Variants in NRIP1 observed in about 807,000 individuals in gnomAD.
NRIP1 encodes nuclear receptor interacting protein 1.
In NRIP1, 28 loss-of-function variants were observed where a neutral mutation model predicts 75.0. The ratio of observed to expected loss-of-function variants is 0.37; its 90% CI spans 0.28 to 0.51. The LOEUF is 0.51. NRIP1 is among the 20% of genes least tolerant of loss of function. The pLI is 0.92. For synonymous variants in NRIP1, 526 were observed against 487.6 expected (o/e 1.08, Z -1.04); for missense variants, 1,435 against 1,343.7 (o/e 1.07, Z -1.06).
intron 2 of NRIP1, among the ~76,000 whole-genome samples, chr21:15,038,403 C>T (rs1384220354): frequency 3.3e-5 from 5 of 151,926 alleles, no homozygotes; most frequent in African/African-American, 4.8e-5. Context: ...CTTTCCAAAA[C>T]CTTTTGAGCT....
chr21:14,989,192 G>A (rs1421491534), intron 3 of NRIP1, among the ~76,000 whole-genome samples: 5 of 152,256 alleles, frequency 3.3e-5, no homozygotes, highest in Admixed American at 1.3e-4. Flanking sequence ...CTCTGCAAAC[G>A]CTCTTTTTTC....
rs2086666355 is a variant in NRIP1, at chr21:14,964,408, G to A, written c.*308C>T. 1 of 209,470 alleles carries A rather than the reference G, an allele frequency of 4.8e-6. No homozygotes were observed. Among genetic ancestry groups the A allele is most frequent in the African/African-American group, 2.3e-5 (1 of 43,320 alleles). 13.0% of individuals were successfully genotyped at this position (209,470 alleles called of 1,614,324 possible). A position where few individuals can be genotyped will look rare whatever the true frequency, so the allele number is the denominator to read the frequency against. On this transcript the variant is annotated 3_prime_UTR_variant, in exon 4 of 4. Transcript: ENST00000318948. Reference sequence around the variant, plus strand: ...AAAATGCATTAATCCACTATGAATGGAGTTTTACATTTTAATTTATGCCTA... The same window carrying A: ...AAAATGCATTAATCCACTATGAATGAAGTTTTACATTTTAATTTATGCCTA...
At chr21:15,064,605 G>C (rs991187043) in intron 1 of NRIP1, 140 bp downstream of exon 1, 1 of 151,742 alleles carries the variant, frequency 6.6e-6, no homozygotes, top group Non-Finnish European at 1.5e-5. Context: ...GATTTCCCCG[G>C]AAACGCGCCC....
intron 2 of NRIP1, among the ~76,000 whole-genome samples, chr21:15,033,769 C>G (rs1470844663): frequency 6.6e-6 from 1 of 152,158 alleles, no homozygotes; most frequent in Non-Finnish European, 1.5e-5. Context: ...TGGTGACTTT[C>G]TCAGTTAAGG....
intron 2 of NRIP1, among the ~76,000 whole-genome samples, 168 bp downstream of exon 2, chr21:15,043,327 T>G (rs1460739295): frequency 6.6e-6 from 1 of 152,190 alleles, no homozygotes; most frequent in African/African-American, 2.4e-5. Flanking sequence ...AAATTTTGAT[T>G]TACCAAAATT....
intron 3 of NRIP1, among the ~76,000 whole-genome samples, chr21:14,995,696 T>C (rs746582095): frequency 1.9e-4 from 29 of 152,022 alleles, no homozygotes; most frequent in Admixed American, 1.2e-3. Flanking sequence ...AACTCACTGG[T>C]GATTAGAGAG....
chr21:15,015,991 C>T (rs1241662121), intron 2 of NRIP1, among the ~76,000 whole-genome samples: 1 of 152,294 alleles, frequency 6.6e-6, no homozygotes, highest in East Asian at 1.9e-4. Context: ...AGCTATCACA[C>T]GGCCACCAGC....
intron 3 of NRIP1, among the ~76,000 whole-genome samples, chr21:14,978,627 C>A (rs1359127838): frequency 6.6e-6 from 1 of 152,048 alleles, no homozygotes; most frequent in Non-Finnish European, 1.5e-5. Context: ...GATGAAATAA[C>A]CGTTCTGGTG....
chr21:15,033,524 T>C (rs533460308), intron 2 of NRIP1, among the ~76,000 whole-genome samples: 192 of 152,330 alleles, frequency 1.3e-3, no homozygotes, highest in African/African-American at 4.4e-3. Context: ...AAATGCAGTT[T>C]CTTAAAGATT....
chr21:14,997,069 A>G (rs2087749293), intron 3 of NRIP1, among the ~76,000 whole-genome samples: 1 of 152,142 alleles, frequency 6.6e-6, no homozygotes, highest in African/African-American at 2.4e-5. Context: ...CACTGTGTTA[A>G]CTGCTCTTCA....
intron 2 of NRIP1, among the ~76,000 whole-genome samples, chr21:15,037,938 A>G (rs1467624975): frequency 6.6e-6 from 1 of 152,184 alleles, no homozygotes; most frequent in Non-Finnish European, 1.5e-5. Flanking sequence ...TAACTATCTA[A>G]TAACTATCTA....
chr21:15,053,701 T>G (rs777662140), intron 1 of NRIP1, among the ~76,000 whole-genome samples: 11 of 152,228 alleles, frequency 7.2e-5, no homozygotes, highest in Admixed American at 2.0e-4. Context: ...GTGCTCATTT[T>G]TCTGCCCTTT....
rs535607764 is a variant in NRIP1 at position 14,970,312 on chromosome 21, G to A, written c.-334-1786C>T. ...TGTAATCCCAGCAATTTAGGAGGCC[G>A]AGGTGGGTGGATCGCCTGAGGTCAG... On this transcript the variant is annotated intron_variant, in intron 3 of 3. Coordinates refer to ENST00000318948, the MANE Select transcript of NRIP1 (RefSeq NM_003489.4). 3.3e-5 allele frequency among the ~76,000 whole-genome samples: 5 copies of A among 152,260 alleles called. No homozygotes were observed. The East Asian group carries it at 9.6e-4, about 29-fold the overall frequency.
At chr21:15,050,174 G>C (rs886572111) in intron 1 of NRIP1, 1 of 153,730 alleles carries the variant, frequency 6.5e-6, no homozygotes. Context: ...ATATATGTGT[G>C]TAACTAGGTA....
intron 3 of NRIP1, among the ~76,000 whole-genome samples, chr21:15,010,821 G>C (rs900396019): frequency 6.6e-6 from 1 of 152,164 alleles, no homozygotes; most frequent in South Asian, 2.1e-4. Context: ...ATGGCTGGCT[G>C]TGAGAAAGGG....
chr21:15,052,955 A>G (rs897406364), intron 1 of NRIP1, among the ~76,000 whole-genome samples: 2 of 152,228 alleles, frequency 1.3e-5, no homozygotes, highest in Non-Finnish European at 2.9e-5. Flanking sequence ...TGGTATAAAG[A>G]AATCCATATT....
intron 2 of NRIP1, among the ~76,000 whole-genome samples, chr21:15,032,117 G>A (rs116927778): frequency 0.025 from 3,862 of 152,350 alleles, 74 homozygotes; most frequent in Non-Finnish European, 0.04. Context: ...GAGGAAGGAA[G>A]TAGGTCAGTG....
chr21:15,005,718 TAAC>T, intron 3 of NRIP1, among the ~76,000 whole-genome samples: 2 of 152,292 alleles, frequency 1.3e-5, no homozygotes, highest in Admixed American at 1.3e-4. Flanking sequence ...TGTCTCCTCT[TAAC>T]CCTTCCCAAG....
At chr21:15,034,952 A>G (rs550996521) in intron 2 of NRIP1, among the ~76,000 whole-genome samples, 3 of 152,346 alleles carry the variant, frequency 2.0e-5, no homozygotes, top group South Asian at 4.1e-4. Context: ...ATCTTTCTAT[A>G]GCATTACACT....
Sources: gnomAD v4.1 joint callset for allele counts (sites outside exome capture counted in the v4.1 genomes callset) on GRCh38, gnomAD v4.1.1 for gene constraint, MANE v1.5 for transcripts, NCBI Gene and HGNC (gene_info 2026-07-23, HGNC 2026-07-21) for gene names.